The following VPS53 variants were observed in gnomAD, a reference collection of about 807,000 sequenced individuals.
VPS53 encodes vacuolar protein sorting-associated protein 53 homolog.
Under a neutral mutation model 107.0 loss-of-function variants are expected in VPS53, and 70 were observed. The ratio of observed to expected loss-of-function variants is 0.65; its 90% CI spans 0.54 to 0.80. The LOEUF is 0.80. Ranked by LOEUF, VPS53 falls within the 30% of genes least tolerant of loss-of-function variation. VPS53 has a pLI of 0.00. For missense variants in VPS53, 917 were observed against 1,049.4 expected (o/e 0.87, Z 1.74); for synonymous variants, 409 against 393.3 (o/e 1.04, Z -0.47).
Position 630,065 on chromosome 17 carries a change from G to A in VPS53, c.687+1485C>T, listed in dbSNP as rs561240592. Among the ~76,000 whole-genome samples, 6 of 152,030 alleles carry A rather than the reference G, an allele frequency of 3.9e-5. No individual in the cohort carries two copies. In the South Asian group the frequency reaches 8.3e-4, roughly 21 times the overall value. ...TCCCAGCACTTTGGGAGGCCGAGGC[G>A]GGCGGATCACCTGAGGTTGGGAGTT... is the stretch of plus-strand genomic sequence containing the variant. On this transcript the variant is annotated intron_variant, in intron 8 of 21. Coordinates refer to ENST00000437048, the MANE Select transcript of VPS53 (RefSeq NM_001128159.3).
chr17:639,913 A>G (rs747224004), intron 7 of VPS53, among the ~76,000 whole-genome samples: 6 of 151,884 alleles, frequency 4.0e-5, no homozygotes, highest in Non-Finnish European at 1.5e-5. Context: ...GAGAACCACT[A>G]CTCTCTTCAA....
At position 511,593 on chromosome 17, in the gene VPS53, T is replaced by G. The variant is rs1366981486; in HGVS notation, c.*7535A>C. On this transcript the variant is annotated 3_prime_UTR_variant, in exon 22 of 22. Transcript: ENST00000437048. ...CAGAAACAGAAAGGAACTTTTGGGC[T>G]GATTATAAGGATTCAGCTGGCCTTG... is the stretch of plus-strand genomic sequence containing the variant. The G allele has an allele frequency of 6.6e-6, 1 of 152,190 alleles. No individual in the cohort carries two copies. The highest frequency in any genetic ancestry group is 1.5e-5 in the Non-Finnish European group (1 of 68,042). 9.4% of individuals were successfully genotyped at this position (152,190 alleles called of 1,614,324 possible). A position where few individuals can be genotyped will look rare whatever the true frequency, so the allele number is the denominator to read the frequency against.
In VPS53 at chr17:514,819, T is replaced by A. The variant is rs1029502483; in HGVS notation, c.*4309A>T. ...CTGCACAGAGGAGCCACCCTAGACA[T>A]AAGAAATCAGGCACCCCTTCTCGGG... On this transcript the variant is annotated 3_prime_UTR_variant, in exon 22 of 22. Coordinates refer to ENST00000437048, the MANE Select transcript of VPS53 (RefSeq NM_001128159.3). The A allele has an allele frequency of 6.6e-6, 1 of 152,212 alleles. No homozygotes were observed. Among genetic ancestry groups the A allele is most frequent in the African/African-American group, 2.4e-5 (1 of 41,416 alleles). 9.4% of individuals were successfully genotyped at this position (152,212 alleles called of 1,614,324 possible). A position where few individuals can be genotyped will look rare whatever the true frequency, so the allele number is the denominator to read the frequency against.
intron 12 of VPS53, among the ~76,000 whole-genome samples, chr17:597,453 C>A (rs768781217): frequency 3.3e-5 from 5 of 152,086 alleles, no homozygotes; most frequent in Non-Finnish European, 7.4e-5. Flanking sequence ...TAAGGGATGG[C>A]GTGGGTGGAG....
chr17:625,460 G>A (rs1057357880), intron 10 of VPS53, among the ~76,000 whole-genome samples: 4 of 140,792 alleles, frequency 2.8e-5, no homozygotes, highest in Non-Finnish European at 4.6e-5. Context: ...GCAACACTGC[G>A]AGACCCCCAT....
intron 7 of VPS53, among the ~76,000 whole-genome samples, chr17:640,364 C>T (rs890752742): frequency 6.6e-6 from 1 of 152,164 alleles, no homozygotes; most frequent in Non-Finnish European, 1.5e-5. Context: ...ACGCGATGCC[C>T]TGCCCTGCTT....
At chr17:710,117 C>G (rs1259053721) in intron 2 of VPS53, among the ~76,000 whole-genome samples, 1 of 152,046 alleles carries the variant, frequency 6.6e-6, no homozygotes, top group East Asian at 1.9e-4. Context: ...TGCACTCCAG[C>G]CTGAACGACA....
intron 7 of VPS53, among the ~76,000 whole-genome samples, chr17:652,263 G>A (rs1970983534): frequency 6.6e-6 from 1 of 152,136 alleles, no homozygotes; most frequent in Admixed American, 6.6e-5. Context: ...CCAAAGTGCT[G>A]GGATTACAGG....
At chr17:601,251 A>G (rs1312222006) in intron 12 of VPS53, among the ~76,000 whole-genome samples, 1 of 152,256 alleles carries the variant, frequency 6.6e-6, no homozygotes. Context: ...GAGGAAATTT[A>G]GACTTGGACA....
In VPS53 at chr17:512,459, T is replaced by G. The variant is rs1020848225; in HGVS notation, c.*6669A>C. On this transcript the variant is annotated 3_prime_UTR_variant, in exon 22 of 22. Transcript: ENST00000437048. ...AATCCCAGGCTGCTTTCATTTCTGA[T>G]GGACACGTCCTTCATGTCCCACAGA... is the stretch of plus-strand genomic sequence containing the variant. 2 of 152,244 alleles carry G rather than the reference T, an allele frequency of 1.3e-5. No individual in the cohort carries two copies. Among genetic ancestry groups the G allele is most frequent in the Non-Finnish European group, 2.9e-5 (2 of 68,042 alleles). 9.4% of individuals were successfully genotyped at this position (152,244 alleles called of 1,614,324 possible).
At chr17:535,729 T>G (rs1567604891) in intron 18 of VPS53, among the ~76,000 whole-genome samples, 1 of 152,034 alleles carries the variant, frequency 6.6e-6, no homozygotes, top group Non-Finnish European at 1.5e-5. Context: ...ACCCAGAGAG[T>G]GAGGGAATTT....
At chr17:685,379 G>A (rs966121844) in intron 4 of VPS53, among the ~76,000 whole-genome samples, 3 of 152,202 alleles carry the variant, frequency 2.0e-5, no homozygotes, top group African/African-American at 7.2e-5. Flanking sequence ...ACACGATGGT[G>A]CAAAGGTGAG....
chr17:608,515 G>A (rs1457641107), intron 11 of VPS53, among the ~76,000 whole-genome samples: 2 of 152,074 alleles, frequency 1.3e-5, no homozygotes, highest in African/African-American at 4.8e-5. Context: ...TCCAGGGGGA[G>A]GGATATACAG....
chr17:685,834 T>A (rs1478286959), intron 4 of VPS53, among the ~76,000 whole-genome samples: 1 of 151,472 alleles, frequency 6.6e-6, no homozygotes. Context: ...ACCCCATCAC[T>A]ACAAAAAAAA....
chr17:678,340 T>C (rs949064399), intron 4 of VPS53, among the ~76,000 whole-genome samples: 3 of 151,922 alleles, frequency 2.0e-5, no homozygotes, highest in Non-Finnish European at 4.4e-5. Context: ...GAGAATCGCT[T>C]GAACCCGGGA....
At chr17:651,670 C>A (rs981126336) in intron 7 of VPS53, among the ~76,000 whole-genome samples, 1 of 152,164 alleles carries the variant, frequency 6.6e-6, no homozygotes, top group East Asian at 1.9e-4. Context: ...CTGTAGCATT[C>A]GGGCCTTATT....
intron 4 of VPS53, among the ~76,000 whole-genome samples, chr17:671,391 A>G (rs1228094369): frequency 7.1e-6 from 1 of 140,758 alleles, no homozygotes; most frequent in African/African-American, 2.6e-5. Flanking sequence ...GGAGGGAGGG[A>G]GGGAGCAACA....
At chr17:532,681 G>C in intron 19 of VPS53, 161 bp downstream of exon 19, 2 of 1,409,674 alleles carry the variant, frequency 1.4e-6, no homozygotes, top group Non-Finnish European at 1.9e-6. Flanking sequence ...AAAATAAATG[G>C]AAGAACGAAT....
At chr17:527,051 A>G (rs1343375797) in intron 19 of VPS53, among the ~76,000 whole-genome samples, 1 of 152,226 alleles carries the variant, frequency 6.6e-6, no homozygotes, top group East Asian at 1.9e-4. Flanking sequence ...TCTTTTTAAA[A>G]AAATTAGGTA....
Sources: allele counts gnomAD v4.1 joint callset (sites outside exome capture counted in the v4.1 genomes callset), GRCh38; gene constraint gnomAD v4.1.1; transcripts MANE v1.5; gene names NCBI Gene and HGNC (gene_info 2026-07-23, HGNC 2026-07-21).